DSCAML1: variants seen among roughly 807,000 people sequenced by gnomAD.
DSCAML1 encodes DS cell adhesion molecule like 1, also known as cell adhesion molecule DSCAML1.
Under a neutral mutation model 200.5 loss-of-function variants are expected in DSCAML1, and 38 were observed. The ratio of observed to expected loss-of-function variants is 0.19; its 90% CI spans 0.15 to 0.25. DSCAML1 has a LOEUF of 0.25. Among genes scored for constraint, DSCAML1 ranks in the 10% least tolerant of loss-of-function variants. The pLI is 1.00. For missense variants in DSCAML1, 2,223 were observed against 2,858.8 expected (o/e 0.78, Z 5.07); for synonymous variants, 1,215 against 1,165.0 (o/e 1.04, Z -0.87).
At chr11:117,790,592 C>T (rs1027165903) in intron 1 of DSCAML1, among the ~76,000 whole-genome samples, 10 of 152,170 alleles carry the variant, frequency 6.6e-5, no homozygotes, top group Non-Finnish European at 1.2e-4. Context: ...AAGGCTAAAA[C>T]GGGTTTGCTG....
intron 3 of DSCAML1, among the ~76,000 whole-genome samples, chr11:117,748,128 G>A (rs2054546814): frequency 6.6e-6 from 1 of 152,138 alleles, no homozygotes; most frequent in African/African-American, 2.4e-5. Context: ...TACACAATAT[G>A]GCGGCAATGA....
intron 3 of DSCAML1, among the ~76,000 whole-genome samples, chr11:117,697,183 A>T (rs535575496): frequency 1.6e-4 from 24 of 152,280 alleles, no homozygotes; most frequent in African/African-American, 5.5e-4. Flanking sequence ...TCAAACTTAA[A>T]TTTGGCTGAC....
At chr11:117,658,929 C>A (rs1201640864) in intron 3 of DSCAML1, among the ~76,000 whole-genome samples, 1 of 152,202 alleles carries the variant, frequency 6.6e-6, no homozygotes, top group Non-Finnish European at 1.5e-5. Flanking sequence ...TTCTAGTCAG[C>A]CTGCCTGTGC....
At chr11:117,548,815 A>T (rs1230018801) in intron 3 of DSCAML1, among the ~76,000 whole-genome samples, 3 of 152,172 alleles carry the variant, frequency 2.0e-5, no homozygotes, top group African/African-American at 7.2e-5. Flanking sequence ...CAGTCTTGAA[A>T]TCTACAAGGT....
intron 3 of DSCAML1, among the ~76,000 whole-genome samples, chr11:117,711,089 C>T (rs1411880190): frequency 1.3e-5 from 2 of 152,162 alleles, no homozygotes; most frequent in Non-Finnish European, 2.9e-5. Flanking sequence ...AAGCCTACTC[C>T]TGAATGACCC....
At chr11:117,467,546 G>C (rs1420787768) in intron 16 of DSCAML1, among the ~76,000 whole-genome samples, 1 of 152,064 alleles carries the variant, frequency 6.6e-6, no homozygotes, top group East Asian at 1.9e-4. Context: ...TAAATGAACT[G>C]CATTTTTAAG....
chr11:117,566,255 C>T (rs1226284917), intron 3 of DSCAML1, among the ~76,000 whole-genome samples: 1 of 152,156 alleles, frequency 6.6e-6, no homozygotes, highest in Non-Finnish European at 1.5e-5. Context: ...ATAAATTGTA[C>T]AGACAAAACA....
intron 3 of DSCAML1, among the ~76,000 whole-genome samples, chr11:117,572,163 C>T (rs1378665493): frequency 1.3e-5 from 2 of 152,202 alleles, no homozygotes; most frequent in Non-Finnish European, 1.5e-5. Flanking sequence ...TATGGACTCG[C>T]CCTGAATTCT....
chr11:117,718,676 C>G (rs1002288043), intron 3 of DSCAML1, among the ~76,000 whole-genome samples: 18 of 88,366 alleles, frequency 2.0e-4, no homozygotes, highest in African/African-American at 5.7e-4. Flanking sequence ...AAACCCCCCC[C>G]CCCCCCCATC....
intron 20 of DSCAML1, among the ~76,000 whole-genome samples, chr11:117,447,554 T>G (rs2048205246): frequency 6.6e-6 from 1 of 152,238 alleles, no homozygotes; most frequent in Admixed American, 6.5e-5. Flanking sequence ...TTATATGTTT[T>G]ACAGATTTTC....
chr11:117,609,036 A>AAC (rs1491414960), intron 3 of DSCAML1, among the ~76,000 whole-genome samples: 8 of 94,092 alleles, frequency 8.5e-5, no homozygotes, highest in Non-Finnish European at 1.4e-4. Flanking sequence ...ACAAACAAAC[A>AAC]AAAAAAACAA....
At chr11:117,540,903 G>C (rs997781765) in intron 3 of DSCAML1, among the ~76,000 whole-genome samples, 1 of 152,166 alleles carries the variant, frequency 6.6e-6, no homozygotes, top group African/African-American at 2.4e-5. Context: ...CTGTCACTGG[G>C]GGGTATTTAA....
At chr11:117,544,792 TG>T (rs2050340428) in intron 3 of DSCAML1, among the ~76,000 whole-genome samples, 1 of 152,180 alleles carries the variant, frequency 6.6e-6, no homozygotes, top group Non-Finnish European at 1.5e-5. Context: ...AGATCCTCCT[TG>T]TTTTGGACTG....
chr11:117,734,060 G>A (rs1439739145), intron 3 of DSCAML1, among the ~76,000 whole-genome samples: 1 of 137,720 alleles, frequency 7.3e-6, no homozygotes, highest in Admixed American at 7.0e-5. Context: ...TTTTGGGGGA[G>A]CATCTGGATA....
chr11:117,629,633 ACAGT>A (rs1012627159), intron 3 of DSCAML1, among the ~76,000 whole-genome samples: 1 of 152,108 alleles, frequency 6.6e-6, no homozygotes, highest in Non-Finnish European at 1.5e-5. Flanking sequence ...AGACTCAGAG[ACAGT>A]CAGGGAGACT....
intron 3 of DSCAML1, among the ~76,000 whole-genome samples, chr11:117,572,781 C>G (rs917065151): frequency 6.6e-6 from 1 of 152,142 alleles, no homozygotes; most frequent in African/African-American, 2.4e-5. Context: ...CTCCTCTGCC[C>G]GTTCAAGTGC....
chr11:117,783,990 C>G (rs555097846), intron 1 of DSCAML1, among the ~76,000 whole-genome samples: 1 of 152,210 alleles, frequency 6.6e-6, no homozygotes, highest in Non-Finnish European at 1.5e-5. Context: ...TCCTGGGCCT[C>G]GGATCTTGCT....
At chr11:117,529,745 C>T (rs1021716831) in intron 4 of DSCAML1, among the ~76,000 whole-genome samples, 3 of 151,930 alleles carry the variant, frequency 2.0e-5, no homozygotes, top group Non-Finnish European at 4.4e-5. Flanking sequence ...AACATCTCAG[C>T]GGACACTCGT....
intron 3 of DSCAML1, among the ~76,000 whole-genome samples, chr11:117,656,785 C>T (rs952311664): frequency 6.6e-6 from 1 of 152,174 alleles, no homozygotes; most frequent in African/African-American, 2.4e-5. Context: ...GCAACAGTGT[C>T]CAGTCCATGC....
Sources: gnomAD v4.1 joint callset for allele counts (sites outside exome capture counted in the v4.1 genomes callset) on GRCh38, gnomAD v4.1.1 for gene constraint, MANE v1.5 for transcripts, NCBI Gene and HGNC (gene_info 2026-07-23, HGNC 2026-07-21) for gene names.